PTPRM: variants seen among roughly 807,000 people sequenced by gnomAD.
PTPRM encodes protein tyrosine phosphatase receptor type M.
Under a neutral mutation model 186.7 loss-of-function variants are expected in PTPRM, and 47 were observed. The observed-to-expected ratio is 0.25, with a 90% CI of 0.20 to 0.32. The LOEUF is 0.32. Ranked by LOEUF, PTPRM falls within the 10% of genes least tolerant of loss-of-function variation. The pLI is 1.00. For missense variants in PTPRM, 1,494 were observed against 1,865.0 expected (o/e 0.80, Z 3.66); for synonymous variants, 668 against 674.9 (o/e 0.99, Z 0.16).
rs1041267382 is a variant in PTPRM at position 7,972,227 on chromosome 18, C to T, written c.1132+16813C>T. 3.3e-4 allele frequency among the ~76,000 whole-genome samples: 44 copies of T among 132,870 alleles called. No homozygotes were observed. In the East Asian group the frequency reaches 4.4e-3, roughly 13 times the overall value. The allele number at this position is 132,870 out of a possible 152,430, so 87.2% of individuals were successfully genotyped here. The stretch of plus-strand genomic sequence containing the variant: ...ATCGCAAGAAGAAAAAACCAAACAC[C>T]GCATATTCTCACGCATAGGTGGGAA... On this transcript the variant is annotated intron_variant, in intron 7 of 32. Transcript: ENST00000580170.
intron 13 of PTPRM, among the ~76,000 whole-genome samples, chr18:8,120,571 T>C (rs1376052686): frequency 6.6e-6 from 1 of 151,188 alleles, no homozygotes; most frequent in Non-Finnish European, 1.5e-5. Context: ...CTGCTCACTA[T>C]TGCAACCTCT....
At chr18:7,878,063 G>T (rs548721359) in intron 2 of PTPRM, among the ~76,000 whole-genome samples, 1 of 152,088 alleles carries the variant, frequency 6.6e-6, no homozygotes, top group Non-Finnish European at 1.5e-5. Flanking sequence ...ATGTAATTAA[G>T]AAATTTATCC....
At chr18:8,185,290 G>T (rs1375736546) in intron 14 of PTPRM, among the ~76,000 whole-genome samples, 1 of 152,222 alleles carries the variant, frequency 6.6e-6, no homozygotes, top group African/African-American at 2.4e-5. Context: ...AAGGCTGGCT[G>T]GGTATTCTTG....
intron 22 of PTPRM, among the ~76,000 whole-genome samples, chr18:8,331,935 C>A (rs658989): frequency 6.6e-6 from 1 of 152,040 alleles, no homozygotes; most frequent in South Asian, 2.1e-4. Flanking sequence ...GAAGGCTTCC[C>A]TGGTGCACAC....
intron 3 of PTPRM, among the ~76,000 whole-genome samples, chr18:7,891,615 C>G (rs978821150): frequency 6.6e-6 from 1 of 152,058 alleles, no homozygotes; most frequent in African/African-American, 2.4e-5. Context: ...GCCTTTAGTC[C>G]TAGCACTTTG....
At chr18:8,083,077 A>G (rs1473070525) in intron 9 of PTPRM, among the ~76,000 whole-genome samples, 2 of 151,442 alleles carry the variant, frequency 1.3e-5, no homozygotes, top group Non-Finnish European at 2.9e-5. Context: ...AAGCCCCTGT[A>G]TTTTCTCCCT....
At chr18:7,660,727 G>A (rs2038959480) in intron 1 of PTPRM, among the ~76,000 whole-genome samples, 1 of 152,172 alleles carries the variant, frequency 6.6e-6, no homozygotes, top group Admixed American at 6.5e-5. Context: ...TGCTGGTTTA[G>A]CGTGGCCTTG....
intron 2 of PTPRM, among the ~76,000 whole-genome samples, chr18:7,785,575 G>C (rs2043061856): frequency 6.6e-6 from 1 of 152,108 alleles, no homozygotes; most frequent in South Asian, 2.1e-4. Flanking sequence ...ATAAATGTGG[G>C]GCTACAAGAG....
chr18:8,390,073 A>G (rs1215976896), intron 31 of PTPRM, among the ~76,000 whole-genome samples: 2 of 152,256 alleles, frequency 1.3e-5, no homozygotes, highest in East Asian at 3.8e-4. Flanking sequence ...ATTAGGTGCA[A>G]AGCTGATAGG....
At chr18:7,925,308 G>A (rs1201844523) in intron 4 of PTPRM, among the ~76,000 whole-genome samples, 1 of 152,082 alleles carries the variant, frequency 6.6e-6, no homozygotes, top group Non-Finnish European at 1.5e-5. Flanking sequence ...TTGCTTTGTT[G>A]GAAGTTATTT....
At chr18:8,050,699 G>A (rs1043866046) in intron 7 of PTPRM, among the ~76,000 whole-genome samples, 10 of 152,096 alleles carry the variant, frequency 6.6e-5, no homozygotes, top group South Asian at 2.1e-4. Flanking sequence ...CATAAACCTC[G>A]TAGATTTGTG....
At chr18:8,238,006 A>G (rs1206494982) in intron 14 of PTPRM, among the ~76,000 whole-genome samples, 1 of 152,084 alleles carries the variant, frequency 6.6e-6, no homozygotes, top group Non-Finnish European at 1.5e-5. Context: ...ATATGATATT[A>G]CTAGGTGTAG....
intron 1 of PTPRM, among the ~76,000 whole-genome samples, chr18:7,688,657 C>T (rs1291000827): frequency 1.3e-5 from 2 of 152,166 alleles, no homozygotes; most frequent in African/African-American, 2.4e-5. Flanking sequence ...GAGAGTAGTC[C>T]AGGCCCTTTC....
chr18:7,939,647 T>C (rs866650704), intron 5 of PTPRM, among the ~76,000 whole-genome samples: 15 of 152,214 alleles, frequency 9.9e-5, no homozygotes, highest in African/African-American at 3.6e-4. Flanking sequence ...TTTCACTAAG[T>C]GGACAAAAGA....
At chr18:8,126,636 G>A (rs576311612) in intron 13 of PTPRM, among the ~76,000 whole-genome samples, 32 of 152,174 alleles carry the variant, frequency 2.1e-4, no homozygotes, top group African/African-American at 6.0e-4. Context: ...TCAGTAAACC[G>A]TGGCAGAGCT....
intron 9 of PTPRM, among the ~76,000 whole-genome samples, chr18:8,078,289 G>T (rs2089940330): frequency 1.3e-5 from 2 of 152,214 alleles, no homozygotes; most frequent in Non-Finnish European, 2.9e-5. Context: ...GCCTATGCCA[G>T]AGTTTACAAC....
chr18:7,872,633 A>G (rs1480358921), intron 2 of PTPRM, among the ~76,000 whole-genome samples: 1 of 152,320 alleles, frequency 6.6e-6, no homozygotes, highest in Non-Finnish European at 1.5e-5. Context: ...TAAAAGTGCC[A>G]TTTATACAGG....
intron 31 of PTPRM, among the ~76,000 whole-genome samples, chr18:8,389,343 A>G (rs1184937348): frequency 6.6e-6 from 1 of 152,148 alleles, no homozygotes; most frequent in Non-Finnish European, 1.5e-5. Context: ...GCCTAACAAG[A>G]AGACATAAAG....
chr18:7,828,866 ATTTTAAAGATAAAAACG>A (rs1435373687), intron 2 of PTPRM, among the ~76,000 whole-genome samples: 1 of 152,180 alleles, frequency 6.6e-6, no homozygotes, highest in Non-Finnish European at 1.5e-5. Flanking sequence ...GAGCAAAAAA[ATTTTAAAGATAAAAACG>A]TTTACACAAA....
Sources: gnomAD v4.1 joint callset for allele counts (sites outside exome capture counted in the v4.1 genomes callset) on GRCh38, gnomAD v4.1.1 for gene constraint, MANE v1.5 for transcripts, NCBI Gene and HGNC (gene_info 2026-07-23, HGNC 2026-07-21) for gene names.